TRPC5: variants seen among roughly 807,000 people sequenced by gnomAD.
TRPC5 encodes the protein short transient receptor potential channel 5.
TRPC5 carries 9 observed loss-of-function variants against 56.5 expected under a neutral mutation model. The observed-to-expected ratio is 0.16, with a 90% CI of 0.10 to 0.28. TRPC5 has a LOEUF of 0.28. Among genes scored for constraint, TRPC5 ranks in the 10% least tolerant of loss-of-function variants. TRPC5 has a pLI of 1.00. For synonymous variants in TRPC5, 282 were observed against 278.5 expected, an observed-to-expected ratio of 1.01 and a Z score of -0.13; for missense variants, 469 against 748.9, an observed-to-expected ratio of 0.63 and a Z score of 4.36.
chrX:111,992,614 T>TTAG (rs1928388424), intron 1 of TRPC5, among the ~76,000 whole-genome samples: 1 of 108,576 alleles, frequency 9.2e-6, no homozygotes, highest in Non-Finnish European at 1.9e-5. Flanking sequence ...ATTATTATTA[T>TTAG]TATTTTGAGA....
intron 7 of TRPC5, among the ~76,000 whole-genome samples, chrX:111,806,314 T>TA (rs1921511953): frequency 8.9e-6 from 1 of 112,423 alleles, no homozygotes; most frequent in Non-Finnish European, 1.9e-5. Flanking sequence ...CAAGATCTCT[T>TA]ACAAGGGTAT....
At chrX:112,064,112 C>T (rs1286386696) in intron 1 of TRPC5, among the ~76,000 whole-genome samples, 1 of 112,016 alleles carries the variant, frequency 8.9e-6, no homozygotes, top group East Asian at 2.8e-4. Context: ...AAGTAAAATA[C>T]CATTTTTAAT....
chrX:111,919,817 A>C (rs901978831), intron 2 of TRPC5, among the ~76,000 whole-genome samples: 1 of 110,054 alleles, frequency 9.1e-6, no homozygotes, highest in African/African-American at 3.5e-5. Context: ...AAAATCACCC[A>C]AAAAAATCTC....
intron 1 of TRPC5, among the ~76,000 whole-genome samples, chrX:111,998,925 A>ATTTAT (rs57854375): frequency 0.05 from 5,583 of 111,716 alleles, 370 homozygotes; most frequent in African/African-American, 0.17. Flanking sequence ...ACTATAAGTT[A>ATTTAT]TTTATTTTAT....
At chrX:111,787,163 A>T (rs1410516646) in intron 7 of TRPC5, among the ~76,000 whole-genome samples, 2 of 111,675 alleles carry the variant, frequency 1.8e-5, no homozygotes, top group South Asian at 3.8e-4. Context: ...GAAGTAAAGC[A>T]CTCCTCAGCA....
intron 1 of TRPC5, among the ~76,000 whole-genome samples, chrX:111,996,368 G>C (rs988976928): frequency 9.1e-6 from 1 of 109,365 alleles, no homozygotes; most frequent in African/African-American, 3.3e-5. Flanking sequence ...GTGATTTCTG[G>C]TCTTTTACCT....
At chrX:112,037,997 T>C (rs7888649) in intron 1 of TRPC5, among the ~76,000 whole-genome samples, 22,002 of 110,733 alleles carry the variant, frequency 0.2, 2,308 homozygotes, top group African/African-American at 0.39. Flanking sequence ...AATATGCAAT[T>C]AAAAATAAAG....
chrX:111,823,621 G>A (rs16986639), intron 7 of TRPC5, among the ~76,000 whole-genome samples: 1,623 of 111,259 alleles, frequency 0.015, 32 homozygotes, highest in African/African-American at 0.05. Context: ...GTTGTGTGAA[G>A]TCTGCTGGAC....
At chrX:111,897,208 A>G (rs1475436853) in intron 3 of TRPC5, among the ~76,000 whole-genome samples, 2 of 111,486 alleles carry the variant, frequency 1.8e-5, no homozygotes, top group African/African-American at 6.5e-5. Flanking sequence ...TTCTGGTACC[A>G]AGCATTTTGG....
intron 1 of TRPC5, among the ~76,000 whole-genome samples, chrX:111,998,188 T>C (rs1178889294): frequency 1.8e-5 from 2 of 112,128 alleles, no homozygotes; most frequent in East Asian, 5.6e-4. Flanking sequence ...AAATCATCCA[T>C]CTTCTGTGTC....
chrX:112,040,326 A>G (rs1929860386), intron 1 of TRPC5, among the ~76,000 whole-genome samples: 1 of 112,634 alleles, frequency 8.9e-6, no homozygotes, highest in South Asian at 3.7e-4. Context: ...GTTAAAAACA[A>G]ATCAGTTCCA....
intron 1 of TRPC5, among the ~76,000 whole-genome samples, chrX:112,076,365 C>T (rs1017448470): frequency 6.3e-5 from 7 of 110,873 alleles, no homozygotes; most frequent in African/African-American, 2.3e-4. Flanking sequence ...ATGAGTACTA[C>T]GTGTATCATA....
chrX:111,841,593 CATT>C (rs1295401705), intron 6 of TRPC5, among the ~76,000 whole-genome samples: 2 of 112,269 alleles, frequency 1.8e-5, no homozygotes, highest in East Asian at 2.8e-4. Flanking sequence ...TGATTATTTT[CATT>C]ATTATTATTA....
At chrX:112,034,859 T>G (rs754690796) in intron 1 of TRPC5, among the ~76,000 whole-genome samples, 2 of 105,349 alleles carry the variant, frequency 1.9e-5, no homozygotes, top group South Asian at 4.1e-4. Context: ...TCTCTTCTCG[T>G]TTTTTTTTTC....
chrX:111,785,743 A>G (rs1212679414), intron 7 of TRPC5, among the ~76,000 whole-genome samples: 1 of 112,056 alleles, frequency 8.9e-6, no homozygotes, highest in Non-Finnish European at 1.9e-5. Context: ...GCTGAAAACC[A>G]TGACACAAGA....
intron 1 of TRPC5, among the ~76,000 whole-genome samples, chrX:112,037,549 A>G: frequency 9.0e-6 from 1 of 111,311 alleles, no homozygotes; most frequent in East Asian, 2.8e-4. Flanking sequence ...CAGCATTGCC[A>G]TCCCCTATAG....
intron 3 of TRPC5, among the ~76,000 whole-genome samples, chrX:111,868,166 C>T (rs1250151846): frequency 9.0e-6 from 1 of 111,481 alleles, no homozygotes; most frequent in Non-Finnish European, 1.9e-5. Flanking sequence ...AGTCACCACT[C>T]CTTGAGGAGG....
Position 111,852,285 on chromosome X carries a change from C to G in TRPC5, c.1377+13G>C. On this transcript the variant is annotated intron_variant, in intron 5 of 10. Coordinates refer to ENST00000262839, the MANE Select transcript of TRPC5 (RefSeq NM_012471.3). ...ATCGCTGTGTAGGAAATATGGCAGA[C>G]ATTCCAATTTACCTTGACATAGGCC... 1.7e-6 allele frequency: 2 copies of G among 1,204,456 alleles called. No individual in the cohort carries two copies. The highest frequency in any genetic ancestry group is 2.2e-6 in the Non-Finnish European group (2 of 892,123).
At chrX:111,889,412 A>G (rs1924696070) in intron 3 of TRPC5, among the ~76,000 whole-genome samples, 1 of 112,471 alleles carries the variant, frequency 8.9e-6, no homozygotes, top group Non-Finnish European at 1.9e-5. Flanking sequence ...GCCTGCCTTC[A>G]GATTCCCCTG....
Sources: gnomAD v4.1 joint callset for allele counts (sites outside exome capture counted in the v4.1 genomes callset) on GRCh38, gnomAD v4.1.1 for gene constraint, MANE v1.5 for transcripts, NCBI Gene and HGNC (gene_info 2026-07-23, HGNC 2026-07-21) for gene names.